GABRQ: variants seen among roughly 807,000 people sequenced by gnomAD.
GABRQ encodes the protein gamma-aminobutyric acid receptor subunit theta.
Under a neutral mutation model 30.5 loss-of-function variants are expected in GABRQ, and 19 were observed. That is an observed-to-expected ratio of 0.62 (90% CI 0.43 to 0.91). The LOEUF (loss-of-function observed/expected upper bound fraction) is 0.91. Among genes scored for constraint, GABRQ ranks in the 40% least tolerant of loss-of-function variants. GABRQ has a pLI of 0.00. For missense variants in GABRQ, 520 were observed against 521.4 expected, an observed-to-expected ratio of 1.00 and a Z score of 0.03; for synonymous variants, 187 against 210.2, an observed-to-expected ratio of 0.89 and a Z score of 0.95.
rs782590606 is a variant in GABRQ at position 152,645,534 on chromosome X, T to C, written c.246T>C (p.Pro82=). The part of the protein sequence containing the change: ...VRLRPNFGGA[P]VPVRISIYVT... ...TGTCTTTCTGTCTTCTAGGTGCCCC[T>C]GTGCCTGTGAGAATATCTATTTATG... Residue 82 remains proline, a synonymous_variant, in exon 3 of 9, where the codon CCT becomes CCC. Coordinates refer to ENST00000598523, the MANE Select transcript of GABRQ (RefSeq NM_018558.4). 6.8e-5 allele frequency: 75 copies of C among 1,105,297 alleles called. No individual in the cohort carries two copies. The South Asian group carries it at 1.3e-3, about 19-fold the overall frequency. The allele number at this position is 1,105,297 out of a possible 1,213,427, so 91.1% of individuals were successfully genotyped here.
chrX:152,643,179 C>T (rs1302180299), intron 2 of GABRQ, among the ~76,000 whole-genome samples: 3 of 112,144 alleles, frequency 2.7e-5, no homozygotes, highest in African/African-American at 9.7e-5. Flanking sequence ...ATGTGGGGAG[C>T]CCGAAAGGCG....
intron 2 of GABRQ, 38 bp downstream of exon 2, chrX:152,640,504 T>C: frequency 1.2e-6 from 1 of 863,962 alleles, no homozygotes; most frequent in Non-Finnish European, 1.7e-6. Context: ...TTGGGTTAGG[T>C]GTCCTAGAGC....
At chrX:152,643,918 C>G (rs1240809119) in intron 2 of GABRQ, among the ~76,000 whole-genome samples, 1 of 112,042 alleles carries the variant, frequency 8.9e-6, no homozygotes, top group African/African-American at 3.3e-5. Flanking sequence ...CACTCAAACT[C>G]AAACATGCTC....
Position 152,650,458 on chromosome X carries a change from A to G in GABRQ, c.779A>G (p.Gln260Arg). ...GSYIRLILKF[Q>R]VQREVNSYLV... ...TACATACGCCTGATACTGAAGTTCC[A>G]GGTTCAGAGGGAAGTTAACAGCTAC... Residue 260 changes from glutamine to arginine, a missense_variant, in exon 7 of 9, where the codon CAG (glutamine) becomes CGG (arginine). Transcript: ENST00000598523. 1.2e-5 allele frequency: 14 copies of G among 1,206,636 alleles called. No homozygotes were observed. The highest frequency in any genetic ancestry group is 1.6e-5 in the Non-Finnish European group (14 of 891,312).
Position 152,651,526 on chromosome X carries a change from G to A in GABRQ, c.902G>A (p.Gly301Asp). Reference protein sequence around the residue: ...YDSSAARVTIGLTSMLILTTI... With the variant: ...YDSSAARVTIDLTSMLILTTI... ...TAAGTCTGTACTGTGTTGCTTACAG[G>A]CTTAACTTCAATGCTCATCCTGACC... The change falls in exon 8 of 9, where the codon GGC becomes GAC. Residue 301 changes from glycine (G) to aspartate (D), a missense_variant and splice_region_variant. Gly to Asp is a moderately conservative substitution (Grantham distance 94). Transcript: ENST00000598523. The A allele has an allele frequency of 3.3e-6, 4 of 1,206,555 alleles. No homozygotes were observed. The highest frequency in any genetic ancestry group is 4.5e-6 in the Non-Finnish European group (4 of 890,742).
chrX:152,639,372 G>A (rs1237105977), intron 1 of GABRQ, among the ~76,000 whole-genome samples: 2 of 90,740 alleles, frequency 2.2e-5, no homozygotes, highest in Non-Finnish European at 4.0e-5. Flanking sequence ...GCACACATGC[G>A]CGTGCGCACA....
intron 8 of GABRQ, 128 bp from the exon 9 acceptor site, chrX:152,652,413 C>CT: frequency 1.7e-6 from 1 of 594,087 alleles, no homozygotes; most frequent in South Asian, 2.9e-5. Flanking sequence ...GGAGCTGGCT[C>CT]TATCTGTCAA....
At position 152,652,984 on chromosome X, in the gene GABRQ, T is replaced by TGATGACAAC; in HGVS notation, c.1603_1611dup (p.Asp535_Asn537dup). On this transcript the variant is annotated inframe_insertion, in exon 9 of 9. Coordinates refer to ENST00000598523, the MANE Select transcript of GABRQ (RefSeq NM_018558.4). ...GTGTGCAAGAAGCAGGCTGGGACCT[T>TGATGACAAC]GATGACAACAATGACAAGAGCGACT... The TGATGACAAC allele has an allele frequency of 2.5e-6, 3 of 1,211,069 alleles. No individual in the cohort carries two copies. The highest frequency in any genetic ancestry group is 2.2e-6 in the Non-Finnish European group (2 of 894,900).
chrX:152,648,643 G>A (rs1161726247), intron 4 of GABRQ, among the ~76,000 whole-genome samples: 18 of 111,529 alleles, frequency 1.6e-4, no homozygotes, highest in Non-Finnish European at 3.8e-5. Context: ...TGACAGGTGT[G>A]AGCCACCGCG....
rs782073292 is a variant in GABRQ, at chrX:152,652,736, G to A, written c.1354G>A (p.Asp452Asn). ...APLATGESLS[D>N]LPSTSEQARH... ...CCTGGCCACTGGAGAAAGCCTGAGC[G>A]ATCTCCCCTCCACCTCAGAGCAGGC... is the stretch of plus-strand genomic sequence containing the variant. The change falls in exon 9 of 9, where the codon GAT (aspartate) becomes AAT (asparagine). Residue 452 changes from aspartate to asparagine, a missense_variant. Transcript: ENST00000598523. 2.5e-5 allele frequency: 30 copies of A among 1,208,827 alleles called. No homozygotes were observed. Among genetic ancestry groups the A allele is most frequent in the African/African-American group, 8.7e-5 (5 of 57,359 alleles).
Position 152,651,859 on chromosome X carries a change from A to G in GABRQ, c.1158+77A>G, listed in dbSNP as rs1602826377. 3.0e-6 allele frequency: 3 copies of G among 1,016,822 alleles called. No individual in the cohort carries two copies. The African/African-American group carries it at 5.7e-5, about 19-fold the overall frequency. The allele number at this position is 1,016,822 out of a possible 1,213,427, so 83.8% of individuals were successfully genotyped here. On this transcript the variant is annotated intron_variant, in intron 8 of 8. Transcript: ENST00000598523. Reference sequence around the variant, plus strand: ...GGCTTAGCGCTTTTGACCCTTTTGCATTTCTTAGCTTTTTAAATACGCGCA... The same window carrying G: ...GGCTTAGCGCTTTTGACCCTTTTGCGTTTCTTAGCTTTTTAAATACGCGCA...
At chrX:152,644,312 G>A (rs928097634) in intron 2 of GABRQ, among the ~76,000 whole-genome samples, 1 of 111,968 alleles carries the variant, frequency 8.9e-6, no homozygotes, top group African/African-American at 3.3e-5. Context: ...ATGCATGGGC[G>A]TGCTCACATA....
chrX:152,651,831 C>T (rs782737720), intron 8 of GABRQ, 49 bp downstream of exon 8: 2 of 1,154,491 alleles, frequency 1.7e-6, no homozygotes, highest in Admixed American at 4.6e-5. Context: ...CCTCTTGAGC[C>T]CAGGCTTAGC....
chrX:152,649,631 A>C, intron 5 of GABRQ, 111 bp from the exon 6 acceptor site: 1 of 594,723 alleles, frequency 1.7e-6, no homozygotes, highest in South Asian at 2.7e-5. Flanking sequence ...ATGTCACCTT[A>C]CTGTTGGGAA....
intron 1 of GABRQ, among the ~76,000 whole-genome samples, chrX:152,638,863 G>C (rs1158936720): frequency 9.0e-6 from 1 of 111,569 alleles, no homozygotes; most frequent in East Asian, 2.8e-4. Context: ...TTTCCAATGC[G>C]GCAGATAGAA....
At chrX:152,646,850 C>A in intron 3 of GABRQ, 98 bp from the exon 4 acceptor site, 1 of 542,411 alleles carries the variant, frequency 1.8e-6, no homozygotes. Flanking sequence ...CACTTGCATA[C>A]ACAAGTGCAT....
rs1306356805 is a variant in GABRQ, at chrX:152,653,711, T to G, written c.*430T>G. On this transcript the variant is annotated 3_prime_UTR_variant, in exon 9 of 9. Transcript: ENST00000598523. ...CAACATTTCTTTTTCATTACATGTT[T>G]TCTTCTTTTTTTGTTTCCTCCTAGG... 1 of 119,689 alleles carries G rather than the reference T, an allele frequency of 8.4e-6. No homozygotes were observed. Among genetic ancestry groups the G allele is most frequent in the African/African-American group, 3.2e-5 (1 of 30,955 alleles). The allele number at this position is 119,689 out of a possible 1,213,427, so 9.9% of individuals were successfully genotyped here.
At chrX:152,640,769 G>A (rs1326407446) in intron 2 of GABRQ, among the ~76,000 whole-genome samples, 3 of 111,898 alleles carry the variant, frequency 2.7e-5, no homozygotes, top group South Asian at 7.6e-4. Context: ...TACAGGATGC[G>A]GCGCGCTGTG....
chrX:152,642,055 C>T (rs1405612664), intron 2 of GABRQ, among the ~76,000 whole-genome samples: 1 of 111,588 alleles, frequency 9.0e-6, no homozygotes, highest in Non-Finnish European at 1.9e-5. Flanking sequence ...TGGACGTGCA[C>T]ACCTGCAGCG....
Sources: allele counts gnomAD v4.1 joint callset (sites outside exome capture counted in the v4.1 genomes callset), GRCh38; gene constraint gnomAD v4.1.1; transcripts MANE v1.5; gene names NCBI Gene and HGNC (gene_info 2026-07-23, HGNC 2026-07-21).